Variants in TENM4 observed in about 807,000 individuals in gnomAD.
TENM4 encodes the protein teneurin transmembrane protein 4, also known as teneurin-4.
TENM4 carries 82 observed loss-of-function variants against 243.3 expected under a neutral mutation model. The observed-to-expected ratio is 0.34, with a 90% CI of 0.28 to 0.40. TENM4 has a LOEUF of 0.40. Ranked by LOEUF, TENM4 falls within the 10% of genes least tolerant of loss-of-function variation. TENM4 has a pLI of 1.00. For synonymous variants in TENM4, 1,412 were observed against 1,456.3 expected, an observed-to-expected ratio of 0.97 and a Z score of 0.69; for missense variants, 3,138 against 3,673.3, an observed-to-expected ratio of 0.85 and a Z score of 3.77.
At chr11:79,067,431 C>G (rs1419202373) in intron 5 of TENM4, among the ~76,000 whole-genome samples, 1 of 152,174 alleles carries the variant, frequency 6.6e-6, no homozygotes, top group East Asian at 1.9e-4. Context: ...GTGCTCTGTT[C>G]GGCCGGCCCT....
At chr11:79,138,716 TAC>T in intron 4 of TENM4, among the ~76,000 whole-genome samples, 1 of 110,544 alleles carries the variant, frequency 9.0e-6, no homozygotes, top group Non-Finnish European at 1.7e-5. Context: ...ACATAAAACA[TAC>T]ATTATATTTA....
intron 1 of TENM4, among the ~76,000 whole-genome samples, chr11:79,301,921 G>A (rs1036226176): frequency 6.6e-6 from 1 of 152,118 alleles, no homozygotes; most frequent in Non-Finnish European, 1.5e-5. Flanking sequence ...TTCCTGTACT[G>A]CCTGCAGAAT....
intron 4 of TENM4, among the ~76,000 whole-genome samples, chr11:79,099,728 C>T (rs1861174576): frequency 2.6e-5 from 4 of 152,188 alleles, no homozygotes; most frequent in African/African-American, 9.7e-5. Flanking sequence ...TTGTAATCCT[C>T]ACCACAAGGA....
At chr11:79,017,746 C>T (rs1019842701) in intron 6 of TENM4, among the ~76,000 whole-genome samples, 8 of 152,286 alleles carry the variant, frequency 5.3e-5, no homozygotes, top group African/African-American at 1.7e-4. Context: ...AAGGAAAGTA[C>T]ATTCTGAGTC....
intron 28 of TENM4, among the ~76,000 whole-genome samples, chr11:78,697,019 T>C (rs1858985145): frequency 1.3e-5 from 2 of 152,068 alleles, no homozygotes; most frequent in Non-Finnish European, 2.9e-5. Flanking sequence ...TGGTCAGGGG[T>C]GTATGCTCCT....
chr11:78,686,286 G>A (rs1858668374), intron 29 of TENM4, among the ~76,000 whole-genome samples: 1 of 152,210 alleles, frequency 6.6e-6, no homozygotes, highest in African/African-American at 2.4e-5. Flanking sequence ...ATGGAGGGGT[G>A]AAGGTGATGT....
chr11:79,147,212 C>A (rs768140664), intron 4 of TENM4, among the ~76,000 whole-genome samples: 5 of 152,076 alleles, frequency 3.3e-5, no homozygotes, highest in African/African-American at 4.8e-5. Context: ...TTACAGTTTA[C>A]AAAACACTCA....
At chr11:79,005,124 C>T (rs1319810799) in intron 6 of TENM4, among the ~76,000 whole-genome samples, 2 of 151,942 alleles carry the variant, frequency 1.3e-5, no homozygotes, top group Non-Finnish European at 2.9e-5. Flanking sequence ...TAATGAAAAG[C>T]CTACCCACCA....
At chr11:79,163,346 A>G (rs761064400) in intron 3 of TENM4, among the ~76,000 whole-genome samples, 3 of 152,150 alleles carry the variant, frequency 2.0e-5, no homozygotes, top group African/African-American at 4.8e-5. Flanking sequence ...CTGAAGCCCA[A>G]CAAGCTGAAA....
intron 9 of TENM4, among the ~76,000 whole-genome samples, chr11:78,877,494 C>T (rs1029499056): frequency 3.9e-5 from 6 of 152,164 alleles, no homozygotes; most frequent in East Asian, 3.8e-4. Context: ...ACAAACGAGA[C>T]GGGGAAAATT....
At chr11:79,211,015 G>A (rs1010147578) in intron 3 of TENM4, among the ~76,000 whole-genome samples, 9 of 151,992 alleles carry the variant, frequency 5.9e-5, no homozygotes, top group African/African-American at 1.9e-4. Flanking sequence ...GGTAGGCACC[G>A]ACCCCAACCT....
intron 6 of TENM4, among the ~76,000 whole-genome samples, chr11:78,937,261 T>C (rs1178389021): frequency 6.6e-6 from 1 of 152,162 alleles, no homozygotes; most frequent in Non-Finnish European, 1.5e-5. Context: ...GTTTCTAGTT[T>C]GCAGGATATA....
chr11:78,999,388 C>T (rs529605850), intron 6 of TENM4, among the ~76,000 whole-genome samples: 146 of 151,968 alleles, frequency 9.6e-4, no homozygotes, highest in African/African-American at 3.2e-3. Context: ...TGGTGGTGTG[C>T]GCCTGTAGTC....
intron 4 of TENM4, among the ~76,000 whole-genome samples, chr11:79,112,673 C>A (rs1270397977): frequency 6.6e-6 from 1 of 152,172 alleles, no homozygotes; most frequent in Non-Finnish European, 1.5e-5. Flanking sequence ...CCCATACACT[C>A]AAGTAGGTTG....
intron 4 of TENM4, among the ~76,000 whole-genome samples, chr11:79,139,508 TATAAAATATATATTATATTTCTAG>T: frequency 5.1e-5 from 3 of 58,918 alleles, no homozygotes; most frequent in Non-Finnish European, 6.5e-5. Context: ...TCTAGAAATA[TATAAAATATATATTATATTTCTAG>T]AAATATATAA....
intron 4 of TENM4, among the ~76,000 whole-genome samples, chr11:79,090,310 T>C (rs1860914723): frequency 6.6e-6 from 1 of 152,210 alleles, no homozygotes; most frequent in South Asian, 2.1e-4. Context: ...CAACAGGCAG[T>C]TGAGAATAAA....
chr11:79,140,275 T>A (rs549654593), intron 4 of TENM4, among the ~76,000 whole-genome samples: 3 of 152,172 alleles, frequency 2.0e-5, no homozygotes, highest in South Asian at 2.1e-4. Flanking sequence ...CTCTTGAGAT[T>A]TGAAACCTTC....
intron 6 of TENM4, among the ~76,000 whole-genome samples, chr11:79,007,186 T>C (rs1858507260): frequency 6.6e-6 from 1 of 152,168 alleles, no homozygotes; most frequent in Non-Finnish European, 1.5e-5. Flanking sequence ...TTGGTAGTAT[T>C]TCTCCGGAGA....
intron 18 of TENM4, among the ~76,000 whole-genome samples, chr11:78,768,130 A>G (rs964311789): frequency 6.6e-6 from 1 of 152,276 alleles, no homozygotes; most frequent in African/African-American, 2.4e-5. Flanking sequence ...ACTTGGGGAC[A>G]GTCCACTCTC....
Sources: gnomAD v4.1 joint callset for allele counts (sites outside exome capture counted in the v4.1 genomes callset) on GRCh38, gnomAD v4.1.1 for gene constraint, MANE v1.5 for transcripts, NCBI Gene and HGNC (gene_info 2026-07-23, HGNC 2026-07-21) for gene names.